Variants in H1-5 observed in about 807,000 individuals in gnomAD.
H1-5 encodes H1.5 linker histone, cluster member, also known as histone H1.5.
Under a neutral mutation model 4.6 loss-of-function variants are expected in H1-5, and 3 were observed. The ratio of observed to expected loss-of-function variants is 0.65; its 90% CI spans 0.30 to 1.68. The LOEUF is 1.68. Ranked by LOEUF, H1-5 falls within the 40% of genes most tolerant of loss-of-function variation. The pLI, the probability that H1-5 is intolerant of heterozygous loss-of-function variation, is 0.10. For missense variants in H1-5, 521 were observed against 287.9 expected, an observed-to-expected ratio of 1.81 and a Z score of -5.86; for synonymous variants, 250 against 123.4, an observed-to-expected ratio of 2.03 and a Z score of -6.80.
At position 27,866,880 on chromosome 6, in the gene H1-5, T is replaced by C; in HGVS notation, c.650A>G (p.Lys217Arg). The C allele has an allele frequency of 6.2e-7, 1 of 1,601,136 alleles. No homozygotes were observed. Among genetic ancestry groups the C allele is most frequent in the East Asian group, 2.2e-5 (1 of 44,832 alleles). ...KPKAAKPKAAKAKKAAAKKK is the reference protein window; with the variant it reads ...KPKAAKPKAARAKKAAAKKK ...CTTTTTGGCAGCCGCCTTCTTGGCC[T>C]TTGCAGCTTTAGGTTTTGCTGCTTT... is the stretch of plus-strand genomic sequence containing the variant. Residue 217 changes from lysine to arginine, a missense_variant, in exon 1 of 1, where the codon AAG becomes AGG. Transcript: ENST00000331442.
At position 27,867,110 on chromosome 6, in the gene H1-5, C is replaced by T; in HGVS notation, c.420G>A (p.Lys140=). ...KAKKPAGATP[K]KAKKAAGAKK... Reference sequence around the variant, plus strand: ...TCGCCCCTGCAGCCTTCTTGGCCTTCTTAGGCGTGGCCCCCGCGGGCTTCT... The same window carrying T: ...TCGCCCCTGCAGCCTTCTTGGCCTTTTTAGGCGTGGCCCCCGCGGGCTTCT... The change falls in exon 1 of 1, where the codon AAG becomes AAA. Residue 140 remains lysine, a synonymous_variant. Coordinates refer to ENST00000331442, the MANE Select transcript of H1-5 (RefSeq NM_005322.3). 6.2e-7 allele frequency: 1 copy of T among 1,613,588 alleles called. No homozygotes were observed. The highest frequency in any genetic ancestry group is 8.5e-7 in the Non-Finnish European group (1 of 1,179,768).
chr6:27,867,063 G>A lies in H1-5; in HGVS notation c.467C>T (p.Pro156Leu). ...AGAKKAVKKTPKKAKKPAAAG... is the reference protein window; with the variant it reads ...AGAKKAVKKTLKKAKKPAAAG... Reference sequence around the variant, plus strand: ...CGCCGCGGGCTTCTTCGCCTTCTTCGGAGTCTTCTTCACTGCCTTTTTCGC... The same window carrying A: ...CGCCGCGGGCTTCTTCGCCTTCTTCAGAGTCTTCTTCACTGCCTTTTTCGC... The change falls in exon 1 of 1, where the codon CCG becomes CTG. Residue 156 changes from proline to leucine, a missense_variant. Pro to Leu is a moderately conservative substitution (Grantham distance 98, BLOSUM62 -3). Transcript: ENST00000331442. The A allele has an allele frequency of 2.5e-6, 4 of 1,613,542 alleles. No individual in the cohort carries two copies. In the African/African-American group the frequency reaches 5.3e-5, roughly 22 times the overall value.
In H1-5 at chr6:27,867,012, C is replaced by T. The variant is rs149411113; in HGVS notation, c.518G>A (p.Ser173Asn). 31 of 1,614,040 alleles carry T rather than the reference C, an allele frequency of 1.9e-5. No individual in the cohort carries two copies. The highest frequency in any genetic ancestry group is 2.5e-5 in the Non-Finnish European group (29 of 1,180,048). ...GGCAGCGGCCTTGGCCTTCTTAGGG[C>T]TCTTCGCCACCTTTTTGACGCCAGC... is the stretch of plus-strand genomic sequence containing the variant. Reference protein sequence around the residue: ...AAAGVKKVAKSPKKAKAAAKP... With the variant: ...AAAGVKKVAKNPKKAKAAAKP... The change falls in exon 1 of 1, where the codon AGC becomes AAC. Residue 173 changes from serine (S) to asparagine (N), a missense_variant. Physicochemically the swap from Ser to Asn is conservative, Grantham distance 46. Coordinates refer to ENST00000331442, the MANE Select transcript of H1-5 (RefSeq NM_005322.3).
In H1-5 at chr6:27,866,797, G is replaced by T; in HGVS notation, c.*52C>A. The T allele has an allele frequency of 7.0e-7, 1 of 1,433,650 alleles. No individual in the cohort carries two copies. Among genetic ancestry groups the T allele is most frequent in the Non-Finnish European group, 9.4e-7 (1 of 1,066,268 alleles). 88.8% of individuals were successfully genotyped at this position (1,433,650 alleles called of 1,614,324 possible). Reference sequence around the variant, plus strand: ...AGCCATTTTTTAGAGGTCTCTGGGTGGCTCTGAAAAGAGCCTTTGGGGCTT... The same window carrying T: ...AGCCATTTTTTAGAGGTCTCTGGGTTGCTCTGAAAAGAGCCTTTGGGGCTT... On this transcript the variant is annotated 3_prime_UTR_variant, in exon 1 of 1. Coordinates refer to ENST00000331442, the MANE Select transcript of H1-5 (RefSeq NM_005322.3).
Position 27,867,140 on chromosome 6 carries a change from T to A in H1-5, c.390A>T (p.Lys130Asn), listed in dbSNP as rs749034153. 1 of 1,614,128 alleles carries A rather than the reference T, an allele frequency of 6.2e-7. No homozygotes were observed. The highest frequency in any genetic ancestry group is 1.1e-5 in the South Asian group (1 of 91,082). ...KPKAKKAGAAKAKKPAGATPK... is the reference protein window; with the variant it reads ...KPKAKKAGAANAKKPAGATPK... Reference sequence around the variant, plus strand: ...GCGTGGCCCCCGCGGGCTTCTTAGCTTTAGCGGCGCCTGCCTTCTTGGCTT... The same window carrying A: ...GCGTGGCCCCCGCGGGCTTCTTAGCATTAGCGGCGCCTGCCTTCTTGGCTT... Residue 130 changes from lysine (K) to asparagine (N), a missense_variant, in exon 1 of 1, where the codon AAA (lysine) becomes AAT (asparagine). By Grantham distance (94) the Lys-to-Asn change is moderately conservative. Coordinates refer to ENST00000331442, the MANE Select transcript of H1-5 (RefSeq NM_005322.3).
At position 27,867,027 on chromosome 6, in the gene H1-5, T is replaced by C. The variant is rs148649312; in HGVS notation, c.503A>G (p.Lys168Arg). ...KAKKPAAAGV[K>R]KVAKSPKKAK... ...CTTCTTAGGGCTCTTCGCCACCTTT[T>C]TGACGCCAGCCGCCGCGGGCTTCTT... is the stretch of plus-strand genomic sequence containing the variant. The change falls in exon 1 of 1, where the codon AAA becomes AGA. Residue 168 changes from lysine (K) to arginine (R), a missense_variant. Transcript: ENST00000331442. 7.4e-5 allele frequency: 120 copies of C among 1,613,974 alleles called. No homozygotes were observed. Among genetic ancestry groups the C allele is most frequent in the Middle Eastern group, 1.6e-4 (1 of 6,082 alleles).
Position 27,866,863 on chromosome 6 carries a change from C to T in H1-5, c.667G>A (p.Ala223Thr), listed in dbSNP as rs769133149. The T allele has an allele frequency of 1.0e-4, 159 of 1,589,978 alleles. No individual in the cohort carries two copies. Among genetic ancestry groups the T allele is most frequent in the Admixed American group, 2.1e-4 (11 of 52,504 alleles). ...PKAAKAKKAA[A>T]KKK ...ACGCCAGCTTCCTACTTCTTTTTGG[C>T]AGCCGCCTTCTTGGCCTTTGCAGCT... The change falls in exon 1 of 1, where the codon GCC becomes ACC. Residue 223 changes from alanine (A) to threonine (T), a missense_variant. Coordinates refer to ENST00000331442, the MANE Select transcript of H1-5 (RefSeq NM_005322.3).
In H1-5 at chr6:27,867,418, C is replaced by A; in HGVS notation, c.112G>T (p.Ala38Ser). 2 of 1,613,712 alleles carry A rather than the reference C, an allele frequency of 1.2e-6. No homozygotes were observed. The highest frequency in any genetic ancestry group is 1.7e-6 in the Non-Finnish European group (2 of 1,179,816). Residue 38 changes from alanine (A) to serine (S), a missense_variant, in exon 1 of 1, where the codon GCG (alanine) becomes TCG (serine). Coordinates refer to ENST00000331442, the MANE Select transcript of H1-5 (RefSeq NM_005322.3). ...AGCTCTGAGACTGGGGGCCCCGTCGCTTTGCGCTTAGCAGCGCCGGCGCCG... is the reference window on the plus strand; with the variant it reads ...AGCTCTGAGACTGGGGGCCCCGTCGATTTGCGCTTAGCAGCGCCGGCGCCG... ...AAGAGAAKRK[A>S]TGPPVSELIT... is the part of the protein sequence containing the mutation.
chr6:27,867,457 T>C lies in H1-5; in HGVS notation c.73A>G (p.Thr25Ala). 5.0e-6 allele frequency: 8 copies of C among 1,605,452 alleles called. No individual in the cohort carries two copies. The highest frequency in any genetic ancestry group is 6.8e-6 in the Non-Finnish European group (8 of 1,176,450). ...VEKSPAKKKA[T>A]KKAAGAGAAK... is the part of the protein sequence containing the mutation. ...GCGCCGGCGCCGGCAGCCTTCTTAG[T>C]TGCCTTCTTCTTAGCCGGGGATTTC... The change falls in exon 1 of 1, where the codon ACT becomes GCT. Residue 25 changes from threonine (T) to alanine (A), a missense_variant. Physicochemically the swap from Thr to Ala is moderately conservative, Grantham distance 58 (BLOSUM62 0). Coordinates refer to ENST00000331442, the MANE Select transcript of H1-5 (RefSeq NM_005322.3).
In H1-5 at chr6:27,867,341, T is replaced by C; in HGVS notation, c.189A>G (p.Ala63=). ...CGGCCGCTAAGGCCTTCTTAAGGGC[T>C]GCCAAAGAAAGGCCATTGCGCTCCT... ...ASKERNGLSL[A]ALKKALAAGG... is the part of the protein sequence containing the mutation. The change falls in exon 1 of 1, where the codon GCA becomes GCG. Residue 63 remains alanine, a synonymous_variant. Coordinates refer to ENST00000331442, the MANE Select transcript of H1-5 (RefSeq NM_005322.3). The C allele has an allele frequency of 6.2e-7, 1 of 1,614,270 alleles. No homozygotes were observed. The highest frequency in any genetic ancestry group is 2.2e-5 in the East Asian group (1 of 44,872).
rs750537511 is a variant in H1-5 at position 27,867,414 on chromosome 6, G to A, written c.116C>T (p.Thr39Met). The change falls in exon 1 of 1, where the codon ACG (threonine) becomes ATG (methionine). Residue 39 changes from threonine to methionine, a missense_variant. Coordinates refer to ENST00000331442, the MANE Select transcript of H1-5 (RefSeq NM_005322.3). The stretch of plus-strand genomic sequence containing the variant: ...GATCAGCTCTGAGACTGGGGGCCCC[G>A]TCGCTTTGCGCTTAGCAGCGCCGGC... ...AGAGAAKRKATGPPVSELITK... is the reference protein window; with the variant it reads ...AGAGAAKRKAMGPPVSELITK... The A allele has an allele frequency of 1.9e-6, 3 of 1,613,912 alleles. No homozygotes were observed. Among genetic ancestry groups the A allele is most frequent in the East Asian group, 2.2e-5 (1 of 44,868 alleles).
Position 27,867,582 on chromosome 6 carries a change from T to C in H1-5, c.-53A>G. On this transcript the variant is annotated 5_prime_UTR_variant, in exon 1 of 1. Transcript: ENST00000331442. ...AAGCTCGAAATCTAAAGAGCAGGTTTTGCGTTGCTGCTATGCTCGGGCCCC... is the reference window on the plus strand; with the variant it reads ...AAGCTCGAAATCTAAAGAGCAGGTTCTGCGTTGCTGCTATGCTCGGGCCCC... 6.7e-7 allele frequency: 1 copy of C among 1,482,800 alleles called. No individual in the cohort carries two copies. The allele number at this position is 1,482,800 out of a possible 1,614,324, so 91.9% of individuals were successfully genotyped here. A position where few individuals can be genotyped will look rare whatever the true frequency, so the allele number is the denominator to read the frequency against.
In H1-5 at chr6:27,867,257, C is replaced by T. The variant is rs1264020388; in HGVS notation, c.273G>A (p.Val91=). 6 of 1,614,250 alleles carry T rather than the reference C, an allele frequency of 3.7e-6. No individual in the cohort carries two copies. In the East Asian group the frequency reaches 8.9e-5, roughly 24 times the overall value. The change falls in exon 1 of 1, where the codon GTG becomes GTA. Residue 91 remains valine, a synonymous_variant. Coordinates refer to ENST00000331442, the MANE Select transcript of H1-5 (RefSeq NM_005322.3). The part of the protein sequence containing the change: ...SRIKLGLKSL[V]SKGTLVQTKG... ...TGGTCTGCACCAGGGTGCCCTTGCT[C>T]ACCAAGCTCTTGAGGCCCAGCTTAA... is the stretch of plus-strand genomic sequence containing the variant.
At position 27,867,456 on chromosome 6, in the gene H1-5, G is replaced by C. The variant is rs766473941; in HGVS notation, c.74C>G (p.Thr25Ser). Residue 25 changes from threonine (T) to serine (S), a missense_variant, in exon 1 of 1, where the codon ACT becomes AGT. Thr to Ser is a moderately conservative substitution (Grantham distance 58, BLOSUM62 1). Transcript: ENST00000331442. ...AGCGCCGGCGCCGGCAGCCTTCTTAGTTGCCTTCTTCTTAGCCGGGGATTT... is the reference window on the plus strand; with the variant it reads ...AGCGCCGGCGCCGGCAGCCTTCTTACTTGCCTTCTTCTTAGCCGGGGATTT... ...VEKSPAKKKA[T>S]KKAAGAGAAK... 1.2e-6 allele frequency: 2 copies of C among 1,605,550 alleles called. No individual in the cohort carries two copies. The highest frequency in any genetic ancestry group is 1.1e-5 in the South Asian group (1 of 90,076).
rs781237661 is a variant in H1-5, at chr6:27,867,369, G to T, written c.161C>A (p.Ser54Tyr). The change falls in exon 1 of 1, where the codon TCT becomes TAT. Residue 54 changes from serine to tyrosine, a missense_variant. Physicochemically the swap from Ser to Tyr is moderately radical, Grantham distance 144 (BLOSUM62 -2). Coordinates refer to ENST00000331442, the MANE Select transcript of H1-5 (RefSeq NM_005322.3). ...CAAAGAAAGGCCATTGCGCTCCTTA[G>T]AAGCAGCCACAGCCTTGGTGATCAG... ...SELITKAVAASKERNGLSLAA... is the reference protein window; with the variant it reads ...SELITKAVAAYKERNGLSLAA... 6.2e-7 allele frequency: 1 copy of T among 1,614,168 alleles called. No homozygotes were observed. Among genetic ancestry groups the T allele is most frequent in the Admixed American group, 1.7e-5 (1 of 60,018 alleles).
In H1-5 at chr6:27,867,255, C is replaced by G. The variant is rs1210490306; in HGVS notation, c.275G>C (p.Ser92Thr). The change falls in exon 1 of 1, where the codon AGC becomes ACC. Residue 92 changes from serine (S) to threonine (T), a missense_variant. Ser to Thr is a moderately conservative substitution (Grantham distance 58, BLOSUM62 1). Transcript: ENST00000331442. ...RIKLGLKSLV[S>T]KGTLVQTKGT... The stretch of plus-strand genomic sequence containing the variant: ...CTTGGTCTGCACCAGGGTGCCCTTG[C>G]TCACCAAGCTCTTGAGGCCCAGCTT... The G allele has an allele frequency of 1.2e-6, 2 of 1,614,246 alleles. No homozygotes were observed. Among genetic ancestry groups the G allele is most frequent in the South Asian group, 1.1e-5 (1 of 91,088 alleles).
chr6:27,867,441 C>G lies in H1-5; in HGVS notation c.89G>C (p.Gly30Ala), dbSNP rs200206203. Residue 30 changes from glycine to alanine, a missense_variant, in exon 1 of 1, where the codon GGC becomes GCC. Physicochemically the swap from Gly to Ala is moderately conservative, Grantham distance 60. Transcript: ENST00000331442. Reference protein sequence around the residue: ...AKKKATKKAAGAGAAKRKATG... With the variant: ...AKKKATKKAAAAGAAKRKATG... ...CGCTTTGCGCTTAGCAGCGCCGGCGCCGGCAGCCTTCTTAGTTGCCTTCTT... is the reference window on the plus strand; with the variant it reads ...CGCTTTGCGCTTAGCAGCGCCGGCGGCGGCAGCCTTCTTAGTTGCCTTCTT... The G allele has an allele frequency of 6.2e-7, 1 of 1,609,412 alleles. No individual in the cohort carries two copies. Among genetic ancestry groups the G allele is most frequent in the Non-Finnish European group, 8.5e-7 (1 of 1,177,928 alleles).
Position 27,867,428 on chromosome 6 carries a change from A to C in H1-5, c.102T>G (p.Ala34=). ...CTGGGGGCCCCGTCGCTTTGCGCTT[A>C]GCAGCGCCGGCGCCGGCAGCCTTCT... ...ATKKAAGAGA[A]KRKATGPPVS... is the part of the protein sequence containing the mutation. Residue 34 remains alanine (A), a synonymous_variant, in exon 1 of 1, where the codon GCT becomes GCG. Transcript: ENST00000331442. The C allele has an allele frequency of 1.9e-6, 3 of 1,610,366 alleles. No homozygotes were observed. Among genetic ancestry groups the C allele is most frequent in the African/African-American group, 2.7e-5 (2 of 74,758 alleles).
chr6:27,867,194 CTTG>C lies in H1-5; in HGVS notation c.333_335del (p.Asn111del), dbSNP rs1443929191. ...GCTTGGCTTCCCCGGAGGCCGCCTT[CTTG>C]TTGAGTTTAAAGGAGCCAGAAGCAC... On this transcript the variant is annotated inframe_deletion, in exon 1 of 1. Transcript: ENST00000331442. 3.0e-5 allele frequency: 49 copies of C among 1,614,120 alleles called. No individual in the cohort carries two copies. The highest frequency in any genetic ancestry group is 3.9e-5 in the Non-Finnish European group (46 of 1,180,042).
Sources: allele counts gnomAD v4.1 joint callset, GRCh38; gene constraint gnomAD v4.1.1; transcripts MANE v1.5; gene names NCBI Gene and HGNC (gene_info 2026-07-23, HGNC 2026-07-21).